The following HIVEP2 variants were observed in gnomAD, a reference collection of about 807,000 sequenced individuals.
HIVEP2 encodes transcription factor HIVEP2.
In HIVEP2, 14 loss-of-function variants were observed where a neutral mutation model predicts 180.7. That is an observed-to-expected ratio of 0.08 (90% CI 0.05 to 0.12). The LOEUF (loss-of-function observed/expected upper bound fraction) is 0.12. Among genes scored for constraint, HIVEP2 ranks in the 10% least tolerant of loss-of-function variants. HIVEP2 has a pLI of 1.00. For synonymous variants in HIVEP2, 1,184 were observed against 1,136.4 expected (o/e 1.04, Z -0.84); for missense variants, 2,579 against 3,008.5 (o/e 0.86, Z 3.34).
intron 1 of HIVEP2, among the ~76,000 whole-genome samples, chr6:142,926,254 C>T (rs1777807264): frequency 1.3e-5 from 2 of 151,894 alleles, no homozygotes. Context: ...ATAATAAATC[C>T]AGGGCTTTGA....
rs748022954 is a variant in HIVEP2 at position 142,769,931 on chromosome 6, C to T, written c.4808G>A (p.Arg1603Gln). 2.7e-5 allele frequency: 44 copies of T among 1,613,904 alleles called. No homozygotes were observed. The East Asian group carries it at 5.1e-4, about 19-fold the overall frequency. The change falls in exon 5 of 10, where the codon CGG becomes CAG. Residue 1603 changes from arginine (R) to glutamine (Q), a missense_variant. Physicochemically the swap from Arg to Gln is conservative, Grantham distance 43 (BLOSUM62 1). Around this residue, in one of 11 missense-constraint regions of HIVEP2, gnomAD observed 349 missense variants for 367.2 expected, o/e 0.95. Transcript: ENST00000367603. ...CATGCGGACCAGCATGCCAACAGGC[C>T]GCTTGTGGCCCTTCCCTTCCTCTTC... is the stretch of plus-strand genomic sequence containing the variant. Reference protein sequence around the residue: ...QLEEEGKGHKRPVGMLVRMAS... With the variant: ...QLEEEGKGHKQPVGMLVRMAS...
intron 2 of HIVEP2, among the ~76,000 whole-genome samples, chr6:142,820,382 G>A (rs1283056857): frequency 6.6e-6 from 1 of 150,924 alleles, no homozygotes; most frequent in Non-Finnish European, 1.5e-5. Context: ...GGATTTTTCT[G>A]TTTTGGTTGG....
chr6:142,940,060 G>C (rs1778139833), intron 1 of HIVEP2, among the ~76,000 whole-genome samples: 1 of 152,152 alleles, frequency 6.6e-6, no homozygotes, highest in South Asian at 2.1e-4. Context: ...GCAATCATGA[G>C]GAGAAATTAT....
chr6:142,754,300 A>G (rs756157931), intron 9 of HIVEP2, among the ~76,000 whole-genome samples: 2 of 144,374 alleles, frequency 1.4e-5, no homozygotes, highest in Non-Finnish European at 1.5e-5. Flanking sequence ...AGCAAAAAAC[A>G]CTAATAAACA....
At chr6:142,894,159 A>C (rs1257047187) in intron 1 of HIVEP2, among the ~76,000 whole-genome samples, 1 of 152,196 alleles carries the variant, frequency 6.6e-6, no homozygotes, top group Non-Finnish European at 1.5e-5. Context: ...TTATGATGTC[A>C]TATCTGTGTT....
chr6:142,786,616 G>A (rs1002255149), intron 2 of HIVEP2, among the ~76,000 whole-genome samples: 3 of 152,108 alleles, frequency 2.0e-5, no homozygotes, highest in Non-Finnish European at 4.4e-5. Flanking sequence ...AAAAATCCTT[G>A]GCATTAGTTA....
intron 2 of HIVEP2, among the ~76,000 whole-genome samples, chr6:142,816,907 C>T (rs1197438457): frequency 6.6e-6 from 1 of 151,150 alleles, no homozygotes; most frequent in Admixed American, 6.6e-5. Flanking sequence ...TGTACATATA[C>T]ATATACACAC....
intron 1 of HIVEP2, among the ~76,000 whole-genome samples, chr6:142,853,596 T>TA (rs1282030128): frequency 6.6e-6 from 1 of 152,196 alleles, no homozygotes; most frequent in Admixed American, 6.5e-5. Flanking sequence ...CTACCCACCT[T>TA]AGATGGCATA....
At position 142,760,224 on chromosome 6, in the gene HIVEP2, T is replaced by C. The variant is rs778012921; in HGVS notation, c.6064A>G (p.Met2022Val). 1.9e-6 allele frequency: 3 copies of C among 1,614,168 alleles called. No homozygotes were observed. Among genetic ancestry groups the C allele is most frequent in the East Asian group, 2.2e-5 (1 of 44,884 alleles). Residue 2022 changes from methionine (M) to valine (V), a missense_variant, in exon 9 of 10, where the codon ATG (methionine) becomes GTG (valine). By Grantham distance (21) the Met-to-Val change is conservative. Coordinates refer to ENST00000367603, the MANE Select transcript of HIVEP2 (RefSeq NM_006734.4). ...DKDRLDIPSC[M>V]DEECMLPSEP... ...GAAGGTAGCATGCACTCCTCATCCA[T>C]ACAACTAGGTATGTCCAATCTGTCT...
At chr6:142,764,710 T>A in intron 7 of HIVEP2, 89 bp downstream of exon 7, 1 of 913,336 alleles carries the variant, frequency 1.1e-6, no homozygotes, top group South Asian at 1.5e-5. Context: ...CTATCTTTAT[T>A]GTTGATGAAG....
intron 2 of HIVEP2, among the ~76,000 whole-genome samples, chr6:142,828,055 C>A (rs1302971065): frequency 6.6e-6 from 1 of 152,268 alleles, no homozygotes; most frequent in African/African-American, 2.4e-5. Context: ...TCTTAAATTG[C>A]CAAATCCATT....
chr6:142,807,220 C>T (rs759710233), intron 2 of HIVEP2, among the ~76,000 whole-genome samples: 14 of 152,058 alleles, frequency 9.2e-5, no homozygotes, highest in Non-Finnish European at 1.5e-4. Flanking sequence ...GAGTAGAGGA[C>T]CTAGGAACTG....
intron 1 of HIVEP2, among the ~76,000 whole-genome samples, chr6:142,916,742 G>A (rs1322236211): frequency 6.6e-6 from 1 of 152,096 alleles, no homozygotes; most frequent in East Asian, 1.9e-4. Flanking sequence ...GATTAATATG[G>A]ATTAGGGTCC....
chr6:142,916,371 A>T (rs1163303303), intron 1 of HIVEP2, among the ~76,000 whole-genome samples: 1 of 152,106 alleles, frequency 6.6e-6, no homozygotes, highest in Non-Finnish European at 1.5e-5. Context: ...TCCTAAACTG[A>T]GTTTATAAGA....
intron 2 of HIVEP2, among the ~76,000 whole-genome samples, chr6:142,815,509 G>A (rs914717226): frequency 6.6e-6 from 1 of 152,124 alleles, no homozygotes; most frequent in Non-Finnish European, 1.5e-5. Flanking sequence ...AATAATTCCA[G>A]GGAGACTGAG....
intron 2 of HIVEP2, among the ~76,000 whole-genome samples, chr6:142,804,603 C>T (rs1001261721): frequency 5.9e-5 from 9 of 151,912 alleles, no homozygotes; most frequent in African/African-American, 2.2e-4. Context: ...AAAACAAATG[C>T]CAGCATACTT....
At chr6:142,776,838 T>C (rs1389762091) in intron 3 of HIVEP2, among the ~76,000 whole-genome samples, 7 of 152,034 alleles carry the variant, frequency 4.6e-5, no homozygotes, top group Admixed American at 3.3e-4. Flanking sequence ...TGGATGAAAA[T>C]AGTGGGTTTT....
intron 1 of HIVEP2, among the ~76,000 whole-genome samples, chr6:142,934,660 A>G (rs971582467): frequency 2.6e-5 from 4 of 152,360 alleles, no homozygotes; most frequent in African/African-American, 2.4e-5. Flanking sequence ...AATAAGTTTG[A>G]TAACTATTCC....
intron 3 of HIVEP2, among the ~76,000 whole-genome samples, chr6:142,780,927 A>T (rs951513380): frequency 1.3e-5 from 2 of 152,232 alleles, no homozygotes; most frequent in Non-Finnish European, 2.9e-5. Context: ...TTATTACTAA[A>T]ATGTATAAAA....
Sources: gnomAD v4.1 joint callset for allele counts (sites outside exome capture counted in the v4.1 genomes callset) on GRCh38, gnomAD v4.1.1 for gene constraint, gnomAD v4.1.1 regional missense constraint, MANE v1.5 for transcripts, NCBI Gene and HGNC (gene_info 2026-07-23, HGNC 2026-07-21) for gene names.